The following ACOT7 variants were observed in gnomAD, a reference collection of about 807,000 sequenced individuals.
ACOT7 encodes the protein cytosolic acyl coenzyme A thioester hydrolase.
In ACOT7, 12 loss-of-function variants were observed where a neutral mutation model predicts 40.2. The observed-to-expected ratio is 0.30, with a 90% confidence interval of 0.19 to 0.48. The LOEUF is 0.48. Ranked by LOEUF, ACOT7 falls within the 20% of genes least tolerant of loss-of-function variation. The probability of loss-of-function intolerance (pLI) is 0.99; values close to 1 mark genes in which losing one functional copy is unlikely to be tolerated. For missense variants in ACOT7, 395 were observed against 530.8 expected, an observed-to-expected ratio of 0.74 and a Z score of 2.51; for synonymous variants, 228 against 219.5, an observed-to-expected ratio of 1.04 and a Z score of -0.34.
intron 1 of ACOT7, among the ~76,000 whole-genome samples, chr1:6,388,254 C>T (rs867037843): frequency 3.9e-4 from 59 of 152,130 alleles, no homozygotes; most frequent in Middle Eastern, 6.8e-3. Flanking sequence ...GGACTACAGG[C>T]GCACACCGCC....
intron 2 of ACOT7, among the ~76,000 whole-genome samples, chr1:6,349,154 GA>G (rs1381020910): frequency 6.6e-6 from 1 of 152,222 alleles, no homozygotes; most frequent in African/African-American, 2.4e-5. Flanking sequence ...CCCTGAGGTT[GA>G]CACTAGACAC....
In ACOT7 at chr1:6,338,727, C is replaced by T. The variant is rs969136926; in HGVS notation, c.418+706G>A. Among the ~76,000 whole-genome samples, 9 of 152,122 alleles carry T rather than the reference C, an allele frequency of 5.9e-5. No individual in the cohort carries two copies. Among genetic ancestry groups the T allele is most frequent in the African/African-American group, 2.2e-4 (9 of 41,410 alleles). ...GGGGAAGAGGAGGAAACCGGCCCAGCCTCTCTGCATGGGAGGACTGGTGAC... is the reference window on the plus strand; with the variant it reads ...GGGGAAGAGGAGGAAACCGGCCCAGTCTCTCTGCATGGGAGGACTGGTGAC... On this transcript the variant is annotated intron_variant, in intron 3 of 8. Transcript: ENST00000361521. This position sits in a 1 kb window ranked among gnomAD's most constrained non-coding sequence, Gnocchi z 4.4.
intron 6 of ACOT7, among the ~76,000 whole-genome samples, chr1:6,295,682 A>G (rs1387125593): frequency 2.6e-5 from 4 of 152,132 alleles, no homozygotes; most frequent in Non-Finnish European, 4.4e-5. Flanking sequence ...AAGACCACAC[A>G]CTGTATGCTG....
chr1:6,310,333 C>T (rs1640295651), intron 6 of ACOT7, among the ~76,000 whole-genome samples: 1 of 152,234 alleles, frequency 6.6e-6, no homozygotes, highest in Non-Finnish European at 1.5e-5. Flanking sequence ...CCAGGGTCCT[C>T]CCCCTGATGT....
At chr1:6,370,244 C>T (rs985631217) in intron 1 of ACOT7, among the ~76,000 whole-genome samples, 2 of 152,100 alleles carry the variant, frequency 1.3e-5, no homozygotes, top group South Asian at 4.1e-4. Context: ...GAGTCCCTCG[C>T]CAGAAGAAGA....
chr1:6,393,105 G>A (rs1642561693), intron 1 of ACOT7, 152 bp downstream of exon 1: 1 of 873,098 alleles, frequency 1.1e-6, no homozygotes, highest in Non-Finnish European at 1.4e-6. Context: ...CCGGCCGGGC[G>A]GGCGTCCGGG....
chr1:6,393,621 TG>T lies in ACOT7; in HGVS notation c.-223del. 3.0e-6 allele frequency: 1 copy of T among 330,502 alleles called. No individual in the cohort carries two copies. The highest frequency in any genetic ancestry group is 5.2e-6 in the Non-Finnish European group (1 of 192,296). 20.5% of individuals were successfully genotyped at this position (330,502 alleles called of 1,614,324 possible). A position where few individuals can be genotyped will look rare whatever the true frequency, so the allele number is the denominator to read the frequency against. On this transcript the variant is annotated 5_prime_UTR_variant, in exon 1 of 9. Coordinates refer to ENST00000361521, the MANE Select transcript of ACOT7 (RefSeq NM_007274.4). ...CGCTTCCAGAAGGTTCGGTGGCGGT[TG>T]GGCCGCGCCGGTGCGGGGAAGGCCC...
At chr1:6,318,424 A>G (rs1352301220) in intron 6 of ACOT7, 68 bp downstream of exon 6, 4 of 1,517,704 alleles carry the variant, frequency 2.6e-6, no homozygotes, top group Non-Finnish European at 3.6e-6. Flanking sequence ...AGACAGCAGC[A>G]CGGCTGCCAG....
chr1:6,308,588 T>TGGGCAGAGGGAACTACAACC (rs1308923000), intron 6 of ACOT7, among the ~76,000 whole-genome samples: 3 of 128,956 alleles, frequency 2.3e-5, no homozygotes, highest in African/African-American at 9.1e-5. Context: ...GAACTACAAC[T>TGGGCAGAGGGAACTACAACC]GGGCAGAGGG....
intron 1 of ACOT7, among the ~76,000 whole-genome samples, chr1:6,357,327 C>T (rs1412297476): frequency 6.6e-6 from 1 of 152,222 alleles, no homozygotes; most frequent in Non-Finnish European, 1.5e-5. Flanking sequence ...TCCTTTACTC[C>T]ATGGTGGAAG....
chr1:6,384,960 G>C (rs180950923), intron 1 of ACOT7, among the ~76,000 whole-genome samples: 1 of 152,024 alleles, frequency 6.6e-6, no homozygotes, highest in African/African-American at 2.4e-5. Flanking sequence ...TGGCACAAAG[G>C]GGGAGGTATG....
intron 4 of ACOT7, among the ~76,000 whole-genome samples, chr1:6,329,374 C>T (rs1373715925): frequency 6.6e-6 from 1 of 152,198 alleles, no homozygotes; most frequent in Non-Finnish European, 1.5e-5. Flanking sequence ...AAATAAACCA[C>T]GTCCTAATGT....
intron 8 of ACOT7, among the ~76,000 whole-genome samples, chr1:6,269,423 A>C (rs540275320): frequency 6.6e-6 from 1 of 152,180 alleles, no homozygotes; most frequent in East Asian, 1.9e-4. Context: ...CCCTGCCCTC[A>C]GCCATATTAT....
At chr1:6,314,589 C>T (rs975200163) in intron 6 of ACOT7, among the ~76,000 whole-genome samples, 1 of 151,776 alleles carries the variant, frequency 6.6e-6, no homozygotes, top group African/African-American at 2.4e-5. Flanking sequence ...TACAAGCAAA[C>T]GTGGGGGTAG....
At position 6,338,691 on chromosome 1, in the gene ACOT7, G is replaced by C. The variant is rs1641177055; in HGVS notation, c.418+742C>G. 6.6e-6 allele frequency among the ~76,000 whole-genome samples: 1 copy of C among 152,168 alleles called. No homozygotes were observed. Among genetic ancestry groups the C allele is most frequent in the Non-Finnish European group, 1.5e-5 (1 of 68,040 alleles). ...CACTCCACGGGGCAGCCACTGCTGA[G>C]GAACAGGCATGGGGAAGAGGAGGAA... On this transcript the variant is annotated intron_variant, in intron 3 of 8. Transcript: ENST00000361521. This position sits in a 1 kb window ranked among gnomAD's most constrained non-coding sequence, Gnocchi z 4.4.
chr1:6,300,649 AAC>A (rs1025298175), intron 6 of ACOT7, among the ~76,000 whole-genome samples: 78 of 131,722 alleles, frequency 5.9e-4, no homozygotes, highest in African/African-American at 2.2e-3. Context: ...TCTCTCCACA[AAC>A]ACAGAATCTC....
chr1:6,300,922 C>T (rs77278194), intron 6 of ACOT7, among the ~76,000 whole-genome samples: 1,571 of 152,380 alleles, frequency 0.01, 15 homozygotes, highest in Middle Eastern at 0.041. Flanking sequence ...AGGAACCAGA[C>T]ACATGGAGAG....
At chr1:6,344,768 A>T (rs1423457018) in intron 2 of ACOT7, among the ~76,000 whole-genome samples, 1 of 117,064 alleles carries the variant, frequency 8.5e-6, no homozygotes, top group Non-Finnish European at 1.7e-5. Flanking sequence ...TGTCTCAAAA[A>T]AAAAAAAAAA....
intron 5 of ACOT7, among the ~76,000 whole-genome samples, chr1:6,323,733 AAAAAATATATATATATATATATAT>A (rs1375667170): frequency 5.2e-5 from 4 of 76,918 alleles, no homozygotes; most frequent in Admixed American, 3.9e-4. Flanking sequence ...AAAAAAAAAA[AAAAAATATATATATATATATATAT>A]ATATATATAT....
Sources: allele counts gnomAD v4.1 joint callset (sites outside exome capture counted in the v4.1 genomes callset), GRCh38; gene constraint gnomAD v4.1.1; non-coding constraint Gnocchi (gnomAD v3.1); transcripts MANE v1.5; gene names NCBI Gene and HGNC (gene_info 2026-07-23, HGNC 2026-07-21).